Variants in WASF3 observed in about 807,000 individuals in gnomAD.
The protein encoded by WASF3 is actin-binding protein WASF3.
In WASF3, 11 loss-of-function variants were observed where a neutral mutation model predicts 46.6. The observed-to-expected ratio is 0.24, with a 90% CI of 0.15 to 0.39. The LOEUF (loss-of-function observed/expected upper bound fraction) is 0.39, where lower values mean the gene tolerates loss of function less well. WASF3 is among the 10% of genes least tolerant of loss of function. The pLI is 1.00. For missense variants in WASF3, 576 were observed against 669.8 expected, an observed-to-expected ratio of 0.86 and a Z score of 1.55; for synonymous variants, 242 against 259.7, an observed-to-expected ratio of 0.93 and a Z score of 0.65.
intron 7 of WASF3, among the ~76,000 whole-genome samples, chr13:26,678,000 G>A (rs1185515659): frequency 6.6e-6 from 1 of 152,134 alleles, no homozygotes; most frequent in African/African-American, 2.4e-5. Flanking sequence ...ACTCCTTCTA[G>A]CATCTGAGAT....
rs56162218 is a variant in WASF3, at chr13:26,675,481, T to TACACAC, written c.541-1031_541-1026dup. Among the ~76,000 whole-genome samples, 522 of 145,742 alleles carry TACACAC rather than the reference T, an allele frequency of 3.6e-3. 4 individuals are homozygous for TACACAC. The highest frequency in any genetic ancestry group is 0.013 in the African/African-American group (490 of 39,022). On this transcript the variant is annotated intron_variant, in intron 6 of 9. Transcript: ENST00000335327. ...CCCTGACTTCCAGACTAGACACACA[T>TACACAC]ACACACACACACACACACACACACA...
chr13:26,687,568 G>GGT lies in WASF3; in HGVS notation c.*1728_*1729dup, dbSNP rs1419382370. 2.0e-5 allele frequency: 3 copies of GGT among 152,216 alleles called. No individual in the cohort carries two copies. Among genetic ancestry groups the GGT allele is most frequent in the Non-Finnish European group, 2.9e-5 (2 of 68,144 alleles). 9.4% of individuals were successfully genotyped at this position (152,216 alleles called of 1,614,324 possible). A position where few individuals can be genotyped will look rare whatever the true frequency, so the allele number is the denominator to read the frequency against. On this transcript the variant is annotated 3_prime_UTR_variant, in exon 10 of 10. Coordinates refer to ENST00000335327, the MANE Select transcript of WASF3 (RefSeq NM_006646.6). ...ATCCCCTTTCCAAGGCTGCTTCCCT[G>GGT]GTGTGTCTGTTCTCTCCTCTGTCCC...
chr13:26,567,328 G>A (rs1344207649), intron 1 of WASF3, among the ~76,000 whole-genome samples: 1 of 152,116 alleles, frequency 6.6e-6, no homozygotes, highest in Non-Finnish European at 1.5e-5. Context: ...ATTAAAGGTG[G>A]CTTTAGAGAC....
At chr13:26,545,027 G>A in the WASF3 span, among the ~76,000 whole-genome samples, 1 of 152,200 alleles carries the variant, frequency 6.6e-6, no homozygotes, top group Non-Finnish European at 1.5e-5. Flanking sequence ...GTGATTGTCA[G>A]GAACAGGAGA....
chr13:26,657,248 G>C (rs1026680476), intron 3 of WASF3, among the ~76,000 whole-genome samples: 3 of 152,180 alleles, frequency 2.0e-5, no homozygotes, highest in African/African-American at 7.2e-5. Flanking sequence ...GATGATACAC[G>C]GGGTAGAGCG....
intron 3 of WASF3, among the ~76,000 whole-genome samples, chr13:26,649,550 C>T (rs752215287): frequency 3.9e-5 from 6 of 152,166 alleles, no homozygotes; most frequent in Non-Finnish European, 8.8e-5. Context: ...CAAACTGATG[C>T]CCCCAAATTT....
chr13:26,684,801 G>A (rs1883350784), intron 9 of WASF3, among the ~76,000 whole-genome samples: 1 of 152,148 alleles, frequency 6.6e-6, no homozygotes, highest in Non-Finnish European at 1.5e-5. Context: ...GGGAATCCAA[G>A]TATATGGGAA....
rs184975135 is a variant in WASF3, at chr13:26,684,920, A to C, written c.1352-768A>C. On this transcript the variant is annotated intron_variant, in intron 9 of 9. Coordinates refer to ENST00000335327, the MANE Select transcript of WASF3 (RefSeq NM_006646.6). ...CAACATTGCAAGACTCTATCTCTACAAAAAAGAAAATACAAAATTTAACCG... is the reference window on the plus strand; with the variant it reads ...CAACATTGCAAGACTCTATCTCTACCAAAAAGAAAATACAAAATTTAACCG... 1.1e-3 allele frequency among the ~76,000 whole-genome samples: 166 copies of C among 152,254 alleles called. 1 individual carries two copies. Among genetic ancestry groups the C allele is most frequent in the Middle Eastern group, 3.4e-3 (1 of 294 alleles).
chr13:26,571,578 C>T (rs538405819), intron 1 of WASF3, among the ~76,000 whole-genome samples: 5 of 152,272 alleles, frequency 3.3e-5, no homozygotes, highest in African/African-American at 1.2e-4. Context: ...TTGGGCGTTC[C>T]ATTCCATTCT....
At chr13:26,564,609 G>C (rs370018630) in intron 1 of WASF3, among the ~76,000 whole-genome samples, 1 of 152,132 alleles carries the variant, frequency 6.6e-6, no homozygotes, top group Non-Finnish European at 1.5e-5. Flanking sequence ...GAGAAGCTCC[G>C]TGAAATTATA....
chr13:26,670,803 T>C (rs1404270832), intron 5 of WASF3, among the ~76,000 whole-genome samples: 1 of 152,198 alleles, frequency 6.6e-6, no homozygotes, highest in Non-Finnish European at 1.5e-5. Context: ...TAGTGTGAGT[T>C]GCACTGGCTC....
At chr13:26,575,510 A>C (rs904541179) in intron 1 of WASF3, among the ~76,000 whole-genome samples, 1 of 152,158 alleles carries the variant, frequency 6.6e-6, no homozygotes, top group African/African-American at 2.4e-5. Context: ...GGATTCTATT[A>C]GTTGTATAAT....
chr13:26,595,580 C>T (rs944841418), intron 1 of WASF3, among the ~76,000 whole-genome samples: 4 of 150,448 alleles, frequency 2.7e-5, no homozygotes, highest in South Asian at 2.1e-4. Context: ...TGTGTAGATT[C>T]GTATAACCGC....
intron 1 of WASF3, among the ~76,000 whole-genome samples, chr13:26,598,945 G>T (rs1338755522): frequency 6.6e-6 from 1 of 151,990 alleles, no homozygotes; most frequent in Non-Finnish European, 1.5e-5. Context: ...ATCTTGGCTC[G>T]CTGCATCCTC....
At chr13:26,644,565 C>G (rs1047343048) in intron 3 of WASF3, among the ~76,000 whole-genome samples, 1 of 152,138 alleles carries the variant, frequency 6.6e-6, no homozygotes, top group Non-Finnish European at 1.5e-5. Flanking sequence ...GATTGTGCTT[C>G]CGGTAAGCAC....
intron 1 of WASF3, among the ~76,000 whole-genome samples, chr13:26,571,054 TGAG>T (rs1197013463): frequency 2.0e-5 from 3 of 152,142 alleles, no homozygotes; most frequent in Non-Finnish European, 1.5e-5. Context: ...TGACTAAAGT[TGAG>T]GATCTTTTAT....
intron 4 of WASF3, among the ~76,000 whole-genome samples, chr13:26,665,506 C>G (rs956797942): frequency 1.3e-5 from 2 of 152,196 alleles, no homozygotes; most frequent in Non-Finnish European, 2.9e-5. Flanking sequence ...CAGAGCCACT[C>G]TAGAGATATG....
At chr13:26,675,035 C>T (rs1031683517) in intron 6 of WASF3, among the ~76,000 whole-genome samples, 6 of 152,166 alleles carry the variant, frequency 3.9e-5, no homozygotes, top group South Asian at 4.1e-4. Context: ...CCTCTGAAAA[C>T]GGTCCAGTTT....
At chr13:26,563,323 G>A (rs74478961) in intron 1 of WASF3, among the ~76,000 whole-genome samples, 3,290 of 152,076 alleles carry the variant, frequency 0.022, 41 homozygotes, top group Middle Eastern at 0.041. Flanking sequence ...GCCTCCCAAA[G>A]TGTTGCACCG....
Sources: gnomAD v4.1 joint callset for allele counts (sites outside exome capture counted in the v4.1 genomes callset) on GRCh38, gnomAD v4.1.1 for gene constraint, MANE v1.5 for transcripts, NCBI Gene and HGNC (gene_info 2026-07-23, HGNC 2026-07-21) for gene names.